Variants in ATP2A3 observed in about 807,000 individuals in gnomAD.
ATP2A3 encodes sarcoplasmic/endoplasmic reticulum calcium ATPase 3.
In ATP2A3, 61 loss-of-function variants were observed where a neutral mutation model predicts 106.8. That is an observed-to-expected ratio of 0.57 (90% CI 0.46 to 0.71). The LOEUF (loss-of-function observed/expected upper bound fraction) is 0.71, where lower values mean the gene tolerates loss of function less well. Ranked by LOEUF, ATP2A3 falls within the 30% of genes least tolerant of loss-of-function variation. ATP2A3 has a pLI of 0.00. For synonymous variants in ATP2A3, 611 were observed against 609.3 expected, an observed-to-expected ratio of 1.00 and a Z score of -0.04; for missense variants, 1,201 against 1,423.5, an observed-to-expected ratio of 0.84 and a Z score of 2.52.
Position 3,925,350 on chromosome 17 carries a change from G to A in ATP2A3, c.*72C>T, listed in dbSNP as rs749137611. The A allele has an allele frequency of 7.4e-6, 12 of 1,612,826 alleles. No homozygotes were observed. The South Asian group carries it at 7.7e-5, about 10-fold the overall frequency. ...GTGGGCGAGTGTGGTGGCAAGGGTG[G>A]GGGGCGGAGGCGAACACATGGGCAC... On this transcript the variant is annotated 3_prime_UTR_variant, in exon 21 of 21. Transcript: ENST00000397041. The surrounding 1 kb of genome is among the most constrained non-coding windows in gnomAD (Gnocchi z 4.2).
At chr17:3,942,571 G>T (rs756916027) in intron 12 of ATP2A3, 35 bp downstream of exon 12, 1 of 1,602,658 alleles carries the variant, frequency 6.2e-7, no homozygotes, top group Admixed American at 1.7e-5. Flanking sequence ...TCCCCAGGGC[G>T]CGCAGGGGCC....
chr17:3,937,386 G>A (rs1418134188), intron 15 of ATP2A3, 30 bp downstream of exon 15: 67 of 1,600,338 alleles, frequency 4.2e-5, no homozygotes, highest in Non-Finnish European at 5.7e-5. Context: ...CGGATTGAGA[G>A]GGCTGAGAGG....
At chr17:3,960,522 C>T (rs768909398) in intron 1 of ATP2A3, among the ~76,000 whole-genome samples, 9 of 152,258 alleles carry the variant, frequency 5.9e-5, no homozygotes, top group Non-Finnish European at 1.3e-4. Flanking sequence ...TCACTGGGGT[C>T]TCCAGGGACT....
intron 17 of ATP2A3, among the ~76,000 whole-genome samples, chr17:3,933,722 C>G (rs113299169): frequency 0.16 from 23,611 of 150,780 alleles, 2,354 homozygotes; most frequent in African/African-American, 0.22. Flanking sequence ...GGTGACAGAG[C>G]GAGACTCCAT....
chr17:3,950,735 T>C lies in ATP2A3; in HGVS notation c.502A>G (p.Ile168Val), dbSNP rs1229987525. The C allele has an allele frequency of 6.2e-7, 1 of 1,613,788 alleles. No homozygotes were observed. Among genetic ancestry groups the C allele is most frequent in the South Asian group, 1.1e-5 (1 of 91,064 alleles). ...KVPADLRLIEIKSTTLRVDQS... is the reference protein window; with the variant it reads ...KVPADLRLIEVKSTTLRVDQS... ...TCCACTCGCAGCGTGGTGGACTTGATCTCGATGAGGCGGAGGTCAGCAGGC... is the reference window on the plus strand; with the variant it reads ...TCCACTCGCAGCGTGGTGGACTTGACCTCGATGAGGCGGAGGTCAGCAGGC... Residue 168 changes from isoleucine to valine, a missense_variant, in exon 6 of 21, where the codon ATC becomes GTC. By Grantham distance (29) the Ile-to-Val change is conservative. This residue lies in a region of ATP2A3 where 266 missense variants were observed against 246.8 expected (regional missense o/e 1.08). Transcript: ENST00000397041.
chr17:3,929,087 G>A lies in ATP2A3; in HGVS notation c.2862+241C>T, dbSNP rs112575117. 0.011 allele frequency among the ~76,000 whole-genome samples: 1,677 copies of A among 152,212 alleles called. 26 individuals carry two copies. Among genetic ancestry groups the A allele is most frequent in the African/African-American group, 0.028 (1,177 of 41,518 alleles). On this transcript the variant is annotated intron_variant, in intron 19 of 20. Transcript: ENST00000397041. This position sits in a 1 kb window ranked among gnomAD's most constrained non-coding sequence, Gnocchi z 4.3. Reference sequence around the variant, plus strand: ...GGAGGATTCTGCCCTGGGAAAGCTCGTCCTTCCTCCCACCCCAGCCTGGGC... The same window carrying A: ...GGAGGATTCTGCCCTGGGAAAGCTCATCCTTCCTCCCACCCCAGCCTGGGC...
chr17:3,932,152 T>C (rs1345209024), intron 17 of ATP2A3, among the ~76,000 whole-genome samples: 2 of 149,220 alleles, frequency 1.3e-5, no homozygotes, highest in Non-Finnish European at 3.0e-5. Context: ...TTTGTTTTGT[T>C]TTTGTTTTCG....
chr17:3,938,090 A>G (rs932350353), intron 14 of ATP2A3, among the ~76,000 whole-genome samples: 2 of 152,228 alleles, frequency 1.3e-5, no homozygotes, highest in Non-Finnish European at 2.9e-5. Flanking sequence ...CAAGGTCCAC[A>G]TGAGGAGTGA....
In ATP2A3 at chr17:3,964,299, G is replaced by A. The variant is rs745800522; in HGVS notation, c.-8C>T. On this transcript the variant is annotated 5_prime_UTR_variant, in exon 1 of 21. Transcript: ENST00000397041. ...CAGATGCGCCGCCTCCATGCCGCCC[G>A]CCCGGCCGTCTGCGCCGTCCGCACC... 2.4e-6 allele frequency: 3 copies of A among 1,246,700 alleles called. No homozygotes were observed. Among genetic ancestry groups the A allele is most frequent in the Admixed American group, 3.5e-5 (1 of 28,388 alleles). The allele number at this position is 1,246,700 out of a possible 1,614,324, so 77.2% of individuals were successfully genotyped here. A position where few individuals can be genotyped will look rare whatever the true frequency, so the allele number is the denominator to read the frequency against.
intron 9 of ATP2A3, 75 bp from the exon 10 acceptor site, chr17:3,944,881 TAGGAGGGGGCTCCGCCTCTTGGCCC>T: frequency 1.2e-5 from 10 of 866,952 alleles, no homozygotes; most frequent in Non-Finnish European, 1.7e-6. Flanking sequence ...GCCCCGCCCC[TAGGAGGGGGCTCCGCCTCTTGGCCC>T]CGCCCCCAGA....
chr17:3,928,330 G>T lies in ATP2A3; in HGVS notation c.2980+333C>A. On this transcript the variant is annotated intron_variant, in intron 20 of 20. Coordinates refer to ENST00000397041, the MANE Select transcript of ATP2A3 (RefSeq NM_005173.4). This position sits in a 1 kb window ranked among gnomAD's most constrained non-coding sequence, Gnocchi z 6.1. ...GAGAAGGCCTGGATAAAGACAGGCTGGGTGCAGAGGGGTCAGAGGCTGAGG... is the reference window on the plus strand; with the variant it reads ...GAGAAGGCCTGGATAAAGACAGGCTTGGTGCAGAGGGGTCAGAGGCTGAGG... 1.2e-6 allele frequency: 2 copies of T among 1,612,386 alleles called. No individual in the cohort carries two copies. The highest frequency in any genetic ancestry group is 8.5e-7 in the Non-Finnish European group (1 of 1,179,648).
chr17:3,953,076 G>A lies in ATP2A3; in HGVS notation c.219+271C>T, dbSNP rs904449187. Among the ~76,000 whole-genome samples, 4 of 152,148 alleles carry A rather than the reference G, an allele frequency of 2.6e-5. No homozygotes were observed. Among genetic ancestry groups the A allele is most frequent in the East Asian group, 3.8e-4 (2 of 5,196 alleles). On this transcript the variant is annotated intron_variant, in intron 3 of 20. Coordinates refer to ENST00000397041, the MANE Select transcript of ATP2A3 (RefSeq NM_005173.4). The surrounding 1 kb of genome is among the most constrained non-coding windows in gnomAD (Gnocchi z 5.1). Reference sequence around the variant, plus strand: ...ACCCTAGGGTACAGCAGGGCGGGGCGGGGGGCAGATGTGAGTTGGGGAGCT... The same window carrying A: ...ACCCTAGGGTACAGCAGGGCGGGGCAGGGGGCAGATGTGAGTTGGGGAGCT...
rs2054591220 is a variant in ATP2A3, at chr17:3,953,734, G to A, written c.119-24C>T. 1 of 1,568,358 alleles carries A rather than the reference G, an allele frequency of 6.4e-7. No homozygotes were observed. Among genetic ancestry groups the A allele is most frequent in the Non-Finnish European group, 8.6e-7 (1 of 1,156,232 alleles). On this transcript the variant is annotated intron_variant, in intron 1 of 20. Transcript: ENST00000397041. This position sits in a 1 kb window ranked among gnomAD's most constrained non-coding sequence, Gnocchi z 5.1. ...CTCTGCAGGATCCAGGCAGCCACGGGAGCCATGAGGAGACAAGAGAGGAGT... is the reference window on the plus strand; with the variant it reads ...CTCTGCAGGATCCAGGCAGCCACGGAAGCCATGAGGAGACAAGAGAGGAGT...
In ATP2A3 at chr17:3,931,583, A is replaced by G. The variant is rs770190681; in HGVS notation, c.2611-1149T>C. Among the ~76,000 whole-genome samples, 143 of 148,944 alleles carry G rather than the reference A, an allele frequency of 9.6e-4. 1 individual carries two copies. The highest frequency in any genetic ancestry group is 1.7e-3 in the African/African-American group (70 of 40,392). On this transcript the variant is annotated intron_variant, in intron 17 of 20. Coordinates refer to ENST00000397041, the MANE Select transcript of ATP2A3 (RefSeq NM_005173.4). The stretch of plus-strand genomic sequence containing the variant: ...GTCACCCGAGCTGGAGTGCAGTGGC[A>G]TGATCTCGGCTCACTGCAAGCTCCG...
intron 17 of ATP2A3, chr17:3,934,991 C>T (rs2053346671): frequency 1.6e-6 from 1 of 611,982 alleles, no homozygotes; most frequent in Non-Finnish European, 2.9e-6. Flanking sequence ...GGGGAGGCGC[C>T]TTTGGCTTGG....
intron 1 of ATP2A3, among the ~76,000 whole-genome samples, chr17:3,960,762 C>T (rs760056713): frequency 1.3e-5 from 2 of 152,198 alleles, no homozygotes; most frequent in Non-Finnish European, 1.5e-5. Context: ...GAGAACCAGC[C>T]GTTCAGTCGG....
chr17:3,951,427 T>C, intron 4 of ATP2A3, 38 bp from the exon 5 acceptor site: 1 of 1,612,996 alleles, frequency 6.2e-7, no homozygotes, highest in Non-Finnish European at 8.5e-7. Context: ...CTGTCCCTGC[T>C]GCCCCCCGCA....
rs560477565 is a variant in ATP2A3, at chr17:3,953,911, G to A, written c.119-201C>T. On this transcript the variant is annotated intron_variant, in intron 1 of 20. Coordinates refer to ENST00000397041, the MANE Select transcript of ATP2A3 (RefSeq NM_005173.4). This position sits in a 1 kb window ranked among gnomAD's most constrained non-coding sequence, Gnocchi z 5.1. The stretch of plus-strand genomic sequence containing the variant: ...TGCTTCCACCCCTCTACCCTCCCCC[G>A]ACTCAGATTGAGGAAGATCTAGGGT... Among the ~76,000 whole-genome samples the A allele has an allele frequency of 4.6e-5, 7 of 151,980 alleles. No homozygotes were observed. The highest frequency in any genetic ancestry group is 1.9e-4 in the East Asian group (1 of 5,134).
chr17:3,936,525 G>A lies in ATP2A3; in HGVS notation c.2322-56C>T. 1.9e-6 allele frequency: 3 copies of A among 1,588,402 alleles called. No homozygotes were observed. The highest frequency in any genetic ancestry group is 1.1e-5 in the South Asian group (1 of 90,480). The stretch of plus-strand genomic sequence containing the variant: ...TAGGCCTAGCCCCCGGCAGATGCAG[G>A]CTCCAGCTCCTGCTCAGACCCAAGG... On this transcript the variant is annotated intron_variant, in intron 15 of 20. Transcript: ENST00000397041. The surrounding 1 kb of genome is among the most constrained non-coding windows in gnomAD (Gnocchi z 5.4).
Sources: gnomAD v4.1 joint callset for allele counts (sites outside exome capture counted in the v4.1 genomes callset) on GRCh38, gnomAD v4.1.1 for gene constraint, gnomAD v4.1.1 regional missense constraint, Gnocchi (gnomAD v3.1) non-coding constraint, MANE v1.5 for transcripts, NCBI Gene and HGNC (gene_info 2026-07-23, HGNC 2026-07-21) for gene names.